Variants in SLC7A6 observed in about 807,000 individuals in gnomAD.
The protein encoded by SLC7A6 is Y+L amino acid transporter 2.
Under a neutral mutation model 46.6 loss-of-function variants are expected in SLC7A6, and 29 were observed. That is an observed-to-expected ratio of 0.62 (90% CI 0.46 to 0.85). The LOEUF is 0.85. SLC7A6 is among the 40% of genes least tolerant of loss of function. The pLI is 0.00. For missense variants in SLC7A6, 527 were observed against 647.6 expected (o/e 0.81, Z 2.02); for synonymous variants, 276 against 257.3 (o/e 1.07, Z -0.70).
Position 68,287,851 on chromosome 16 carries a change from G to A in SLC7A6, c.629G>A (p.Gly210Asp), listed in dbSNP as rs2042970047. The A allele has an allele frequency of 1.2e-6, 2 of 1,614,106 alleles. No homozygotes were observed. The highest frequency in any genetic ancestry group is 4.5e-5 in the East Asian group (2 of 44,882). Reference protein sequence around the residue: ...VVALIAIIVMGLVKLCQGHSE... With the variant: ...VVALIAIIVMDLVKLCQGHSE... ...GCGCTCATTGCCATCATTGTCATGG[G>A]CCTTGTTAAACTGTGCCAGGGTAAG... The change falls in exon 4 of 11, where the codon GGC becomes GAC. Residue 210 changes from glycine (G) to aspartate (D), a missense_variant. Gly to Asp is a moderately conservative substitution (Grantham distance 94). Coordinates refer to ENST00000219343, the MANE Select transcript of SLC7A6 (RefSeq NM_003983.6).
rs745936793 is a variant in SLC7A6, at chr16:68,301,412, T to A, written c.*4084T>A. On this transcript the variant is annotated 3_prime_UTR_variant, in exon 11 of 11. Coordinates refer to ENST00000219343, the MANE Select transcript of SLC7A6 (RefSeq NM_003983.6). ...CTGTTGTAGTCAGCAGAGCCTAGAA[T>A]GACATCCCGGGAGTGGATTCTAAAT... is the stretch of plus-strand genomic sequence containing the variant. 9.8e-5 allele frequency: 158 copies of A among 1,612,928 alleles called. 3 individuals carry two copies. In the South Asian group the frequency reaches 1.7e-3, roughly 17 times the overall value.
chr16:68,276,258 T>G (rs909957305), intron 3 of SLC7A6, among the ~76,000 whole-genome samples: 1 of 152,260 alleles, frequency 6.6e-6, no homozygotes, highest in Non-Finnish European at 1.5e-5. Flanking sequence ...ATTTTCCTTT[T>G]TCTCTTATGG....
intron 3 of SLC7A6, among the ~76,000 whole-genome samples, chr16:68,281,484 G>A (rs2042828722): frequency 6.6e-6 from 1 of 152,216 alleles, no homozygotes; most frequent in South Asian, 2.1e-4. Flanking sequence ...ATAGTGCTGA[G>A]GTTGAGAAAC....
At chr16:68,267,652 C>G (rs1024233054) in intron 2 of SLC7A6, among the ~76,000 whole-genome samples, 3 of 152,108 alleles carry the variant, frequency 2.0e-5, no homozygotes, top group Admixed American at 6.5e-5. Flanking sequence ...GTCTTCAGCC[C>G]GTTTCCTAGC....
intron 3 of SLC7A6, chr16:68,284,674 T>G (rs546842652): frequency 3.0e-6 from 3 of 984,758 alleles, no homozygotes; most frequent in East Asian, 2.3e-4. Flanking sequence ...GAGGAGTGTA[T>G]CAGCTTCTCT....
At chr16:68,295,584 C>G (rs2043148694) in intron 8 of SLC7A6, among the ~76,000 whole-genome samples, 1 of 152,218 alleles carries the variant, frequency 6.6e-6, no homozygotes, top group Non-Finnish European at 1.5e-5. Context: ...GCCACCACGC[C>G]CAGCCTTCTC....
chr16:68,265,078 G>A (rs1286477162), intron 1 of SLC7A6, among the ~76,000 whole-genome samples: 1 of 152,198 alleles, frequency 6.6e-6, no homozygotes, highest in Non-Finnish European at 1.5e-5. Flanking sequence ...AAAGACGCGG[G>A]CTCAGGACCT....
Position 68,274,891 on chromosome 16 carries a change from G to A in SLC7A6, c.165G>A (p.Val55=), listed in dbSNP as rs754413883. The A allele has an allele frequency of 3.1e-6, 5 of 1,614,062 alleles. No homozygotes were observed. In the African/African-American group the frequency reaches 4.0e-5, roughly 13 times the overall value. The change falls in exon 3 of 11, where the codon GTG becomes GTA. Residue 55 remains valine (V), a synonymous_variant. Coordinates refer to ENST00000219343, the MANE Select transcript of SLC7A6 (RefSeq NM_003983.6). ...TGCTGAATGGGGTCAGCCTGGTGGT[G>A]GGCAACATGATCGGCTCAGGGATCT... ...ISLLNGVSLV[V]GNMIGSGIFV... is the part of the protein sequence containing the mutation.
At chr16:68,287,657 A>G (rs2042965152) in intron 3 of SLC7A6, 89 bp from the exon 4 acceptor site, 2 of 1,554,232 alleles carry the variant, frequency 1.3e-6, no homozygotes, top group Admixed American at 1.8e-5. Context: ...TTAGGCAGGA[A>G]GGGCAGAAAG....
At position 68,294,817 on chromosome 16, in the gene SLC7A6, AC is replaced by A; in HGVS notation, c.1119+18del. ...ACTGTTCAATGTAAGCTTTGCTGGGACCACGGGGCTCAGGTGGATCTGTGCA... is the reference window on the plus strand; with the variant it reads ...ACTGTTCAATGTAAGCTTTGCTGGGACACGGGGCTCAGGTGGATCTGTGCA... On this transcript the variant is annotated intron_variant, in intron 8 of 10. Coordinates refer to ENST00000219343, the MANE Select transcript of SLC7A6 (RefSeq NM_003983.6). 2 of 1,568,740 alleles carry A rather than the reference AC, an allele frequency of 1.3e-6. No individual in the cohort carries two copies. Among genetic ancestry groups the A allele is most frequent in the Non-Finnish European group, 1.8e-6 (2 of 1,138,726 alleles).
chr16:68,295,022 A>T, intron 8 of SLC7A6: 1 of 405,366 alleles, frequency 2.5e-6, no homozygotes, highest in South Asian at 4.6e-5. Flanking sequence ...AAAGGTGGGG[A>T]TTCACTTAAT....
intron 3 of SLC7A6, among the ~76,000 whole-genome samples, chr16:68,285,484 T>C (rs956195663): frequency 3.3e-5 from 5 of 152,204 alleles, no homozygotes; most frequent in Non-Finnish European, 7.4e-5. Flanking sequence ...GCCAGCAGCA[T>C]GCATTTCTTT....
rs1373813848 is a variant in SLC7A6, at chr16:68,274,792, C to A, written c.66C>A (p.Ser22=). ...TYHLVPNTSQ[S]QVEEDVSSPP... Reference sequence around the variant, plus strand: ...ATCTTGTCCCTAACACCAGCCAGTCCCAGGTGGAAGAAGATGTCAGCTCGC... The same window carrying A: ...ATCTTGTCCCTAACACCAGCCAGTCACAGGTGGAAGAAGATGTCAGCTCGC... The change falls in exon 3 of 11, where the codon TCC becomes TCA. Residue 22 remains serine (S), a synonymous_variant. Transcript: ENST00000219343. 2 of 1,614,152 alleles carry A rather than the reference C, an allele frequency of 1.2e-6. No individual in the cohort carries two copies. The highest frequency in any genetic ancestry group is 1.7e-5 in the Admixed American group (1 of 60,022).
At chr16:68,277,573 A>C (rs933679311) in intron 3 of SLC7A6, among the ~76,000 whole-genome samples, 1 of 151,792 alleles carries the variant, frequency 6.6e-6, no homozygotes, top group Admixed American at 6.6e-5. Context: ...GGCCTCCCAA[A>C]GTGCTGGGAT....
chr16:68,289,041 T>C (rs910506954), intron 4 of SLC7A6, among the ~76,000 whole-genome samples: 2 of 150,748 alleles, frequency 1.3e-5, no homozygotes, highest in African/African-American at 4.9e-5. Flanking sequence ...CTCAGCACTC[T>C]GGGAGGCCGG....
At chr16:68,291,849 G>T in intron 7 of SLC7A6, 188 bp downstream of exon 7, 1 of 567,380 alleles carries the variant, frequency 1.8e-6, no homozygotes, top group South Asian at 2.3e-5. Flanking sequence ...ACATTTGTAT[G>T]CTGGTAGCTC....
intron 3 of SLC7A6, among the ~76,000 whole-genome samples, chr16:68,278,306 A>G (rs1400505827): frequency 7.5e-6 from 1 of 133,578 alleles, no homozygotes; most frequent in Non-Finnish European, 1.6e-5. Flanking sequence ...CTGCTTTATA[A>G]TTTTTTTTTT....
At chr16:68,284,957 G>A (rs554771451) in intron 3 of SLC7A6, among the ~76,000 whole-genome samples, 3 of 141,594 alleles carry the variant, frequency 2.1e-5, no homozygotes, top group South Asian at 4.6e-4. Context: ...CTATAGGCCC[G>A]GACTCCTGGG....
chr16:68,285,095 G>A (rs2042905320), intron 3 of SLC7A6, among the ~76,000 whole-genome samples: 2 of 151,906 alleles, frequency 1.3e-5, no homozygotes, highest in South Asian at 4.2e-4. Context: ...TTTGTGTTCT[G>A]CTTCCTTCCT....
Sources: allele counts gnomAD v4.1 joint callset (sites outside exome capture counted in the v4.1 genomes callset), GRCh38; gene constraint gnomAD v4.1.1; transcripts MANE v1.5; gene names NCBI Gene and HGNC (gene_info 2026-07-23, HGNC 2026-07-21).